Variants in RWDD4 observed in about 807,000 individuals in gnomAD.
RWDD4 encodes RWD domain-containing protein 4.
RWDD4 carries 16 observed loss-of-function variants against 30.0 expected under a neutral mutation model. The observed-to-expected ratio is 0.53, with a 90% CI of 0.36 to 0.81. The LOEUF (loss-of-function observed/expected upper bound fraction) is 0.81. Ranked by LOEUF, RWDD4 falls within the 30% of genes least tolerant of loss-of-function variation. The pLI is 0.00. For synonymous variants in RWDD4, 45 were observed against 72.1 expected, an observed-to-expected ratio of 0.62 and a Z score of 1.90; for missense variants, 170 against 223.9, an observed-to-expected ratio of 0.76 and a Z score of 1.54.
chr4:183,646,313 G>T, intron 7 of RWDD4, 38 bp downstream of exon 7: 1 of 872,620 alleles, frequency 1.1e-6, no homozygotes, highest in South Asian at 1.4e-5. Context: ...AGAGTGCAGG[G>T]AAAAGAAGAA....
intron 1 of RWDD4, 99 bp downstream of exon 1, chr4:183,658,830 G>A (rs1301750239): frequency 1.8e-6 from 2 of 1,081,708 alleles, no homozygotes. Flanking sequence ...AGGGCACAGG[G>A]CACGTGCCGG....
intron 7 of RWDD4, among the ~76,000 whole-genome samples, chr4:183,642,879 A>T (rs1174649659): frequency 6.6e-6 from 1 of 150,802 alleles, no homozygotes; most frequent in East Asian, 2.0e-4. Flanking sequence ...TAACACGGTG[A>T]AACCCCGTCT....
intron 7 of RWDD4, among the ~76,000 whole-genome samples, chr4:183,644,178 A>G (rs1733921607): frequency 6.6e-6 from 1 of 152,192 alleles, no homozygotes; most frequent in South Asian, 2.1e-4. Context: ...GGAGCACAGC[A>G]TATTTGGAGG....
intron 2 of RWDD4, chr4:183,653,668 T>C (rs936145402): frequency 6.6e-6 from 1 of 152,256 alleles, no homozygotes; most frequent in Non-Finnish European, 1.5e-5. Context: ...AGGGATCTAC[T>C]GATAGACCTG....
intron 1 of RWDD4, among the ~76,000 whole-genome samples, chr4:183,657,722 A>T (rs1276701908): frequency 6.6e-6 from 1 of 152,242 alleles, no homozygotes; most frequent in Non-Finnish European, 1.5e-5. Flanking sequence ...TAGTGAAGAG[A>T]TTAACAAAGA....
At chr4:183,646,074 T>C (rs1338769007) in intron 7 of RWDD4, among the ~76,000 whole-genome samples, 1 of 152,148 alleles carries the variant, frequency 6.6e-6, no homozygotes, top group Non-Finnish European at 1.5e-5. Flanking sequence ...CAGCTCATTT[T>C]TGTATTTTTA....
Position 183,651,217 on chromosome 4 carries a change from C to G in RWDD4, c.215+1G>C. 6.2e-7 allele frequency: 1 copy of G among 1,613,502 alleles called. No individual in the cohort carries two copies. The highest frequency in any genetic ancestry group is 8.5e-7 in the Non-Finnish European group (1 of 1,179,600). On this transcript the variant is annotated splice_donor_variant, in intron 3 of 7. Transcript: ENST00000326397. LOFTEE classifies it high-confidence loss of function. ...AGCAGTAAAAACAAGACACTACTCA[C>G]ATGGTGTTGTTAAAAAAAGCGTTCA...
Position 183,651,231 on chromosome 4 carries a change from A to G in RWDD4, c.202T>C (p.Phe68Leu). ...TPPILSMNAF[F>L]NNTISSAVKQ... Reference sequence around the variant, plus strand: ...GACACTACTCACATGGTGTTGTTAAAAAAAGCGTTCATAGATAGAATTGGA... The same window carrying G: ...GACACTACTCACATGGTGTTGTTAAGAAAAGCGTTCATAGATAGAATTGGA... Residue 68 changes from phenylalanine (F) to leucine (L), a missense_variant, in exon 3 of 8, where the codon TTT (phenylalanine) becomes CTT (leucine). Coordinates refer to ENST00000326397, the MANE Select transcript of RWDD4 (RefSeq NM_152682.4). 6.2e-7 allele frequency: 1 copy of G among 1,613,716 alleles called. No individual in the cohort carries two copies. Among genetic ancestry groups the G allele is most frequent in the Non-Finnish European group, 8.5e-7 (1 of 1,179,806 alleles).
chr4:183,642,438 C>T lies in RWDD4; in HGVS notation c.535-970G>A, dbSNP rs569328941. Reference sequence around the variant, plus strand: ...TCTCCTGACCTCGTGATCCGCCCGCCTCGGCCTCCCAAAGTGCTGGGATTA... The same window carrying T: ...TCTCCTGACCTCGTGATCCGCCCGCTTCGGCCTCCCAAAGTGCTGGGATTA... On this transcript the variant is annotated intron_variant, in intron 7 of 7. Coordinates refer to ENST00000326397, the MANE Select transcript of RWDD4 (RefSeq NM_152682.4). Among the ~76,000 whole-genome samples, 11 of 85,334 alleles carry T rather than the reference C, an allele frequency of 1.3e-4. 5 individuals are homozygous for T. The highest frequency in any genetic ancestry group is 6.8e-4 in the South Asian group (2 of 2,962). 56.0% of individuals were successfully genotyped at this position (85,334 alleles called of 152,430 possible).
intron 5 of RWDD4, among the ~76,000 whole-genome samples, chr4:183,648,328 T>C (rs7679954): frequency 0.26 from 38,850 of 151,790 alleles, 6,113 homozygotes; most frequent in African/African-American, 0.44. Flanking sequence ...CCTGACATAG[T>C]AGCACACGCA....
intron 7 of RWDD4, among the ~76,000 whole-genome samples, chr4:183,643,548 C>A (rs1368635826): frequency 6.6e-6 from 1 of 150,606 alleles, no homozygotes; most frequent in Non-Finnish European, 1.5e-5. Context: ...GTCCAAAGCC[C>A]ACAGCTGGAA....
chr4:183,649,463 C>T lies in RWDD4; in HGVS notation c.469G>A (p.Ala157Thr), dbSNP rs763816133. The T allele has an allele frequency of 6.2e-7, 1 of 1,603,670 alleles. No individual in the cohort carries two copies. The highest frequency in any genetic ancestry group is 2.2e-5 in the East Asian group (1 of 44,796). ...AACACACACAAACCTGTTTTGTCTG[C>T]CAGCTTACGCTTCTGGGCTTTTGAA... ...QLSKAQKRKL[A>T]DKTDHKGELP... The change falls in exon 5 of 8, where the codon GCA becomes ACA. Residue 157 changes from alanine (A) to threonine (T), a missense_variant. Coordinates refer to ENST00000326397, the MANE Select transcript of RWDD4 (RefSeq NM_152682.4).
At chr4:183,649,362 T>G in intron 5 of RWDD4, 89 bp downstream of exon 5, 87 of 772,914 alleles carry the variant, frequency 1.1e-4, no homozygotes, top group Non-Finnish European at 1.6e-4. Flanking sequence ...TGCAGTGAGC[T>G]GAGATCATGC....
intron 4 of RWDD4, 22 bp downstream of exon 4, chr4:183,650,962 A>G (rs1734061702): frequency 6.3e-7 from 1 of 1,590,262 alleles, no homozygotes; most frequent in Non-Finnish European, 8.6e-7. Context: ...AGAATCCGGC[A>G]AAAAAATAAT....
chr4:183,651,492 G>C (rs1413315970), intron 2 of RWDD4, among the ~76,000 whole-genome samples, 165 bp from the exon 3 acceptor site: 1 of 152,204 alleles, frequency 6.6e-6, no homozygotes, highest in Admixed American at 6.5e-5. Context: ...AGGGGTGAAG[G>C]GAGTCTCAGG....
At position 183,641,229 on chromosome 4, in the gene RWDD4, C is replaced by T. The variant is rs1345178427; in HGVS notation, c.*207G>A. 4 of 598,708 alleles carry T rather than the reference C, an allele frequency of 6.7e-6. No homozygotes were observed. Among genetic ancestry groups the T allele is most frequent in the Non-Finnish European group, 9.0e-6 (3 of 333,742 alleles). 37.1% of individuals were successfully genotyped at this position (598,708 alleles called of 1,614,324 possible). A position where few individuals can be genotyped will look rare whatever the true frequency, so the allele number is the denominator to read the frequency against. On this transcript the variant is annotated 3_prime_UTR_variant, in exon 8 of 8. Transcript: ENST00000326397. ...AGTATACTAAACAGTAACATTTTCA[C>T]CTTTTATTAAGGCAAGTTTGTGAAA... is the stretch of plus-strand genomic sequence containing the variant.
chr4:183,641,054 T>C lies in RWDD4; in HGVS notation c.*382A>G. ...ATTGCACTATGGAGTAACTGTTCAC[T>C]GAGTACTCCGCTCCACTGGGATGAT... On this transcript the variant is annotated 3_prime_UTR_variant, in exon 8 of 8. Coordinates refer to ENST00000326397, the MANE Select transcript of RWDD4 (RefSeq NM_152682.4). The C allele has an allele frequency of 4.7e-6, 1 of 211,014 alleles. No homozygotes were observed. 13.1% of individuals were successfully genotyped at this position (211,014 alleles called of 1,614,324 possible).
chr4:183,656,944 T>C (rs931947659), intron 1 of RWDD4, among the ~76,000 whole-genome samples: 1 of 152,228 alleles, frequency 6.6e-6, no homozygotes, highest in African/African-American at 2.4e-5. Flanking sequence ...GAGAATCGCT[T>C]GAACCCAGGA....
At chr4:183,647,797 G>A (rs892069296) in intron 5 of RWDD4, among the ~76,000 whole-genome samples, 1 of 152,246 alleles carries the variant, frequency 6.6e-6, no homozygotes, top group Non-Finnish European at 1.5e-5. Flanking sequence ...TAGGTAGAAT[G>A]AATTCTTAGA....
Sources: allele counts gnomAD v4.1 joint callset (sites outside exome capture counted in the v4.1 genomes callset), GRCh38; gene constraint gnomAD v4.1.1; transcripts MANE v1.5; gene names NCBI Gene and HGNC (gene_info 2026-07-23, HGNC 2026-07-21).